CSMD3: variants seen among roughly 807,000 people sequenced by gnomAD.
CSMD3 encodes CUB and Sushi multiple domains 3.
A neutral mutation model predicts 435.2 loss-of-function variants in CSMD3; 177 were observed. The ratio of observed to expected loss-of-function variants is 0.41; its 90% confidence interval spans 0.36 to 0.46. The LOEUF is 0.46. Among genes scored for constraint, CSMD3 ranks in the 20% least tolerant of loss-of-function variants. The pLI is 0.34. For missense variants in CSMD3, 4,265 were observed against 4,504.6 expected (o/e 0.95, Z 1.52); for synonymous variants, 1,656 against 1,520.5 (o/e 1.09, Z -2.07).
intron 1 of CSMD3, among the ~76,000 whole-genome samples, chr8:113,411,062 AGGAAGGAAGGAT>A (rs2094557801): frequency 1.3e-5 from 2 of 151,956 alleles, no homozygotes; most frequent in Admixed American, 6.6e-5. Flanking sequence ...ATAGGAAGGA[AGGAAGGAAGGAT>A]GGAAGGAAGG....
rs188110935 is a variant in CSMD3 at position 112,736,286 on chromosome 8, T to C, written c.1973-46236A>G. On this transcript the variant is annotated intron_variant, in intron 13 of 70. Transcript: ENST00000297405. ...AGTTTTCTGGGTTAAAATTTGATTATGACTGTTCTTCAAAAATACCTTTGT... is the reference window on the plus strand; with the variant it reads ...AGTTTTCTGGGTTAAAATTTGATTACGACTGTTCTTCAAAAATACCTTTGT... 9.5e-4 allele frequency among the ~76,000 whole-genome samples: 145 copies of C among 152,158 alleles called. No individual in the cohort carries two copies. In the East Asian group the frequency reaches 0.021, roughly 22 times the overall value.
chr8:113,054,506 C>A (rs1172765302), intron 5 of CSMD3, among the ~76,000 whole-genome samples: 1 of 151,968 alleles, frequency 6.6e-6, no homozygotes, highest in African/African-American at 2.4e-5. Flanking sequence ...TTATTATTTT[C>A]TTTGTGTTCT....
At chr8:112,699,492 G>A (rs1355431419) in intron 13 of CSMD3, among the ~76,000 whole-genome samples, 4 of 152,156 alleles carry the variant, frequency 2.6e-5, no homozygotes, top group Non-Finnish European at 5.9e-5. Flanking sequence ...CTAACATCTG[G>A]CAACCATCAC....
At chr8:112,572,392 T>C (rs944362644) in intron 24 of CSMD3, among the ~76,000 whole-genome samples, 14 of 152,148 alleles carry the variant, frequency 9.2e-5, no homozygotes, top group Non-Finnish European at 2.1e-4. Flanking sequence ...CTCAGTATTA[T>C]GGACAAAAAT....
intron 5 of CSMD3, among the ~76,000 whole-genome samples, chr8:113,082,805 A>G (rs2089618426): frequency 6.6e-6 from 1 of 152,156 alleles, no homozygotes; most frequent in Non-Finnish European, 1.5e-5. Flanking sequence ...AATGAATAAA[A>G]TTAAAAAATA....
At chr8:112,333,399 T>A (rs894828068) in intron 45 of CSMD3, among the ~76,000 whole-genome samples, 1 of 152,100 alleles carries the variant, frequency 6.6e-6, no homozygotes, top group South Asian at 2.1e-4. Flanking sequence ...ACTCCCGACC[T>A]CAGGTAATCC....
chr8:113,308,060 A>G (rs1024983805), intron 2 of CSMD3, among the ~76,000 whole-genome samples: 1 of 152,094 alleles, frequency 6.6e-6, no homozygotes, highest in Non-Finnish European at 1.5e-5. Context: ...TGTTTTTGCA[A>G]TAGACTGCAA....
chr8:112,375,396 C>G (rs1487480710), intron 38 of CSMD3, among the ~76,000 whole-genome samples: 2 of 152,054 alleles, frequency 1.3e-5, no homozygotes, highest in East Asian at 3.9e-4. Context: ...TAAATTACAA[C>G]TAGTATGTCT....
At chr8:113,360,232 G>A (rs1280054604) in intron 1 of CSMD3, among the ~76,000 whole-genome samples, 1 of 152,156 alleles carries the variant, frequency 6.6e-6, no homozygotes, top group Non-Finnish European at 1.5e-5. Flanking sequence ...CCAGTGACAA[G>A]AGTAGCTCTG....
At chr8:113,329,415 T>C (rs1237950910) in intron 1 of CSMD3, among the ~76,000 whole-genome samples, 1 of 152,098 alleles carries the variant, frequency 6.6e-6, no homozygotes, top group Non-Finnish European at 1.5e-5. Context: ...ATCAGTAAAC[T>C]TGAAGATAAT....
At chr8:112,418,031 A>G (rs1247100310) in intron 32 of CSMD3, among the ~76,000 whole-genome samples, 1 of 152,136 alleles carries the variant, frequency 6.6e-6, no homozygotes, top group East Asian at 1.9e-4. Context: ...TAAAAATTGT[A>G]TCACCCCTGT....
chr8:113,001,295 G>C (rs1276554679), intron 6 of CSMD3, among the ~76,000 whole-genome samples: 1 of 151,976 alleles, frequency 6.6e-6, no homozygotes, highest in Non-Finnish European at 1.5e-5. Context: ...ACGGCCTGAG[G>C]ACAAGGTTCT....
chr8:112,630,772 A>G (rs931535211), intron 22 of CSMD3, among the ~76,000 whole-genome samples: 1 of 152,120 alleles, frequency 6.6e-6, no homozygotes, highest in Non-Finnish European at 1.5e-5. Flanking sequence ...TGCAGAAAGA[A>G]AGGCTGATTT....
At chr8:113,289,406 A>G (rs1291661390) in intron 2 of CSMD3, among the ~76,000 whole-genome samples, 2 of 149,344 alleles carry the variant, frequency 1.3e-5, no homozygotes, top group Admixed American at 6.7e-5. Flanking sequence ...TAAGTTTATC[A>G]TTGCTATGAC....
chr8:112,405,150 T>C (rs1367450578), intron 35 of CSMD3, among the ~76,000 whole-genome samples: 1 of 122,240 alleles, frequency 8.2e-6, no homozygotes, highest in East Asian at 2.7e-4. Context: ...TGCCACGGCC[T>C]TCCAGCCTGA....
intron 10 of CSMD3, among the ~76,000 whole-genome samples, chr8:112,908,284 C>G (rs1035346577): frequency 7.9e-5 from 12 of 151,360 alleles, no homozygotes; most frequent in African/African-American, 2.7e-4. Flanking sequence ...ACATACATGT[C>G]TTTAAAATCA....
chr8:112,600,305 G>GA (rs1232289600), intron 22 of CSMD3, among the ~76,000 whole-genome samples: 12 of 152,040 alleles, frequency 7.9e-5, no homozygotes, highest in Non-Finnish European at 1.8e-4. Context: ...AAAATTCACT[G>GA]AAAAAATATG....
At chr8:112,863,456 A>G (rs1564036620) in intron 10 of CSMD3, among the ~76,000 whole-genome samples, 1 of 151,986 alleles carries the variant, frequency 6.6e-6, no homozygotes. Flanking sequence ...ACATAAATGT[A>G]TAAGAAACCC....
At chr8:112,257,097 T>C (rs1815881507) in intron 61 of CSMD3, among the ~76,000 whole-genome samples, 1 of 152,154 alleles carries the variant, frequency 6.6e-6, no homozygotes. Flanking sequence ...TAAAAAATAA[T>C]TAAAATGAAA....
Sources: allele counts gnomAD v4.1 joint callset (sites outside exome capture counted in the v4.1 genomes callset), GRCh38; gene constraint gnomAD v4.1.1; transcripts MANE v1.5; gene names NCBI Gene and HGNC (gene_info 2026-07-23, HGNC 2026-07-21).